IL1RAPL1: variants seen among roughly 807,000 people sequenced by gnomAD.
IL1RAPL1 encodes the protein interleukin-1 receptor accessory protein-like 1.
A neutral mutation model predicts 48.4 loss-of-function variants in IL1RAPL1; 3 were observed. That is an observed-to-expected ratio of 0.06 (90% CI 0.03 to 0.16). The LOEUF is 0.16. IL1RAPL1 is among the 10% of genes least tolerant of loss of function. IL1RAPL1 has a pLI of 1.00. For missense variants in IL1RAPL1, 349 were observed against 530.6 expected (o/e 0.66, Z 3.36); for synonymous variants, 185 against 187.7 (o/e 0.99, Z 0.12).
intron 5 of IL1RAPL1, among the ~76,000 whole-genome samples, chrX:29,634,319 A>G (rs1924895542): frequency 9.0e-6 from 1 of 111,528 alleles, no homozygotes; most frequent in Non-Finnish European, 1.9e-5. Flanking sequence ...TCAAGTGAAT[A>G]TAACCATCCC....
At chrX:29,631,390 G>A (rs1208707607) in intron 5 of IL1RAPL1, among the ~76,000 whole-genome samples, 1 of 111,142 alleles carries the variant, frequency 9.0e-6, no homozygotes, top group African/African-American at 3.3e-5. Context: ...TCCCATCTCA[G>A]CCTCCTTGGT....
At chrX:29,228,441 G>T (rs947043259) in intron 2 of IL1RAPL1, among the ~76,000 whole-genome samples, 1 of 102,011 alleles carries the variant, frequency 9.8e-6, no homozygotes, top group African/African-American at 3.6e-5. Context: ...TGCAACCTCC[G>T]CCTTCTGGGT....
At chrX:28,642,546 T>A (rs1216986823) in intron 1 of IL1RAPL1, among the ~76,000 whole-genome samples, 3 of 111,880 alleles carry the variant, frequency 2.7e-5, no homozygotes, top group Non-Finnish European at 5.6e-5. Flanking sequence ...AACAATCCTC[T>A]CCTGAATGAC....
chrX:29,476,612 G>A (rs1934977180), intron 5 of IL1RAPL1, among the ~76,000 whole-genome samples: 1 of 110,275 alleles, frequency 9.1e-6, no homozygotes, highest in Non-Finnish European at 1.9e-5. Context: ...CAAATGACAA[G>A]TCCCAAAATA....
chrX:29,342,401 A>G (rs1933096096), intron 3 of IL1RAPL1, among the ~76,000 whole-genome samples: 1 of 111,985 alleles, frequency 8.9e-6, no homozygotes, highest in African/African-American at 3.2e-5. Context: ...ACAGATAACA[A>G]GTAAATACTT....
intron 1 of IL1RAPL1, among the ~76,000 whole-genome samples, chrX:28,779,618 ATGTGTG>A (rs753071924): frequency 0.017 from 592 of 34,770 alleles, 8 homozygotes; most frequent in African/African-American, 0.056. Context: ...TGATACTATT[ATGTGTG>A]TGTGTGTGTG....
chrX:29,636,077 CA>C (rs938932528), intron 5 of IL1RAPL1, among the ~76,000 whole-genome samples: 2 of 105,431 alleles, frequency 1.9e-5, no homozygotes, highest in East Asian at 3.0e-4. Context: ...AAGTCTAAAG[CA>C]AAAAAAAACC....
intron 2 of IL1RAPL1, among the ~76,000 whole-genome samples, chrX:29,080,176 C>G (rs772173230): frequency 9.1e-6 from 1 of 109,946 alleles, no homozygotes; most frequent in Non-Finnish European, 1.9e-5. Context: ...TACTTGAGCC[C>G]GGGAGTTCAA....
intron 2 of IL1RAPL1, among the ~76,000 whole-genome samples, chrX:28,907,759 A>G (rs1286329582): frequency 1.8e-5 from 2 of 112,383 alleles, no homozygotes; most frequent in East Asian, 2.8e-4. Context: ...GGCCTCTTGG[A>G]AAAAGATAGG....
rs755453843 is a variant in IL1RAPL1 at position 29,828,679 on chromosome X, T to C, written c.779-88785T>C. On this transcript the variant is annotated intron_variant, in intron 6 of 10. Transcript: ENST00000378993. ...TATCTGTAAGATTCTATTTTATTTC[T>C]ATGATATATAGCCCTGATGGACATT... is the stretch of plus-strand genomic sequence containing the variant. 2.7e-5 allele frequency among the ~76,000 whole-genome samples: 3 copies of C among 112,238 alleles called. No individual in the cohort carries two copies. The East Asian group carries it at 8.4e-4, about 31-fold the overall frequency.
At position 29,472,644 on chromosome X, in the gene IL1RAPL1, C is replaced by T. The variant is rs187688240; in HGVS notation, c.703+73336C>T. On this transcript the variant is annotated intron_variant, in intron 5 of 10. Coordinates refer to ENST00000378993, the MANE Select transcript of IL1RAPL1 (RefSeq NM_014271.4). ...TGATGGATAATAATCAAATAGTTAA[C>T]AGCTCTGGACACTGGCTGCCTGGGT... Among the ~76,000 whole-genome samples the T allele has an allele frequency of 4.5e-3, 505 of 111,586 alleles. 3 individuals carry two copies. Among genetic ancestry groups the T allele is most frequent in the African/African-American group, 0.016 (490 of 30,680 alleles).
intron 2 of IL1RAPL1, among the ~76,000 whole-genome samples, chrX:28,907,067 A>T (rs998004722): frequency 2.7e-5 from 3 of 111,001 alleles, no homozygotes; most frequent in African/African-American, 9.8e-5. Flanking sequence ...GTTAGCTGTA[A>T]ATTTTTTGTG....
In IL1RAPL1 at chrX:28,587,711, C is replaced by A. The variant is rs1187072222; in HGVS notation, c.-361C>A. On this transcript the variant is annotated 5_prime_UTR_variant, in exon 1 of 11. Coordinates refer to ENST00000378993, the MANE Select transcript of IL1RAPL1 (RefSeq NM_014271.4). ...CCCCTCTCTTTTTCTGCTCTCTCCT[C>A]TCTCAGTCTCTCCTTTTCTATCTGC... is the stretch of plus-strand genomic sequence containing the variant. 1.8e-5 allele frequency: 2 copies of A among 109,612 alleles called. No homozygotes were observed. The highest frequency in any genetic ancestry group is 5.8e-4 in the East Asian group (2 of 3,476). 9.0% of individuals were successfully genotyped at this position (109,612 alleles called of 1,213,427 possible). A position where few individuals can be genotyped will look rare whatever the true frequency, so the allele number is the denominator to read the frequency against.
intron 1 of IL1RAPL1, among the ~76,000 whole-genome samples, chrX:28,601,316 A>T (rs957753723): frequency 1.8e-5 from 2 of 110,761 alleles, no homozygotes; most frequent in Non-Finnish European, 3.8e-5. Context: ...AGCTACTCTA[A>T]CTAGAGGCTG....
intron 6 of IL1RAPL1, among the ~76,000 whole-genome samples, chrX:29,876,082 C>T (rs7889946): frequency 0.17 from 19,316 of 110,453 alleles, 3,068 homozygotes; most frequent in African/African-American, 0.5. Flanking sequence ...TTGTTTTCTA[C>T]CACTACTACC....
chrX:29,629,003 C>T (rs918261008), intron 5 of IL1RAPL1, among the ~76,000 whole-genome samples: 2 of 111,689 alleles, frequency 1.8e-5, no homozygotes, highest in South Asian at 3.7e-4. Flanking sequence ...AGAAAATAGT[C>T]CAGGACTGAG....
At chrX:28,588,203 GAT>G (rs1491477294) in intron 1 of IL1RAPL1, among the ~76,000 whole-genome samples, 156 bp downstream of exon 1, 6 of 44,011 alleles carry the variant, frequency 1.4e-4, no homozygotes, top group South Asian at 2.3e-3. Flanking sequence ...TGGGTGTGTT[GAT>G]ATGTGTGTGT....
At chrX:28,762,823 C>CACACACACACACGCACACAG (rs1268556014) in intron 1 of IL1RAPL1, among the ~76,000 whole-genome samples, 2 of 36,788 alleles carry the variant, frequency 5.4e-5, no homozygotes, top group African/African-American at 1.5e-4. Context: ...CACACACACA[C>CACACACACACACGCACACAG]AGAGAGAGAG....
chrX:28,983,683 T>C (rs1478731204), intron 2 of IL1RAPL1, among the ~76,000 whole-genome samples: 1 of 112,045 alleles, frequency 8.9e-6, no homozygotes, highest in Non-Finnish European at 1.9e-5. Context: ...AATCACAAGG[T>C]AAAATACAAG....
Sources: allele counts gnomAD v4.1 joint callset (sites outside exome capture counted in the v4.1 genomes callset), GRCh38; gene constraint gnomAD v4.1.1; transcripts MANE v1.5; gene names NCBI Gene and HGNC (gene_info 2026-07-23, HGNC 2026-07-21).